The following SRGAP3 variants were observed in gnomAD, a reference collection of about 807,000 sequenced individuals.
The protein encoded by SRGAP3 is SLIT-ROBO Rho GTPase activating protein 3.
Under a neutral mutation model 121.1 loss-of-function variants are expected in SRGAP3, and 39 were observed. The ratio of observed to expected loss-of-function variants is 0.32; its 90% CI spans 0.25 to 0.42. The LOEUF (loss-of-function observed/expected upper bound fraction) is 0.42, where lower values mean the gene tolerates loss of function less well. Ranked by LOEUF, SRGAP3 falls within the 10% of genes least tolerant of loss-of-function variation. The probability of loss-of-function intolerance (pLI) is 1.00; values close to 1 mark genes in which losing one functional copy is unlikely to be tolerated. For synonymous variants in SRGAP3, 601 were observed against 570.0 expected, an observed-to-expected ratio of 1.05 and a Z score of -0.77; for missense variants, 1,213 against 1,470.6, an observed-to-expected ratio of 0.82 and a Z score of 2.86.
At chr3:9,314,489 C>T (rs1437577393) in intron 3 of SRGAP3, among the ~76,000 whole-genome samples, 3 of 152,104 alleles carry the variant, frequency 2.0e-5, no homozygotes, top group Non-Finnish European at 4.4e-5. Flanking sequence ...AAAGAATGTT[C>T]GGGACAGAGA....
At chr3:9,102,570 G>A (rs574612050) in intron 3 of SRGAP3, among the ~76,000 whole-genome samples, 105 of 152,304 alleles carry the variant, frequency 6.9e-4, no homozygotes, top group Non-Finnish European at 1.4e-3. Flanking sequence ...CCTCCATTCC[G>A]AAATTAGGTG....
At chr3:9,028,987 G>T (rs1190499314) in intron 12 of SRGAP3, among the ~76,000 whole-genome samples, 3 of 152,120 alleles carry the variant, frequency 2.0e-5, no homozygotes, top group Non-Finnish European at 2.9e-5. Flanking sequence ...CCATCTCTGG[G>T]GTGAGCACTT....
chr3:9,025,476 G>A, intron 13 of SRGAP3, 138 bp from the exon 14 acceptor site: 1 of 995,432 alleles, frequency 1.0e-6, no homozygotes, highest in Non-Finnish European at 1.5e-6. Context: ...CGTTCCCTAT[G>A]AATGTCTCCA....
chr3:9,351,745 T>C (rs1004136082), intron 1 of SRGAP3, among the ~76,000 whole-genome samples: 2 of 152,198 alleles, frequency 1.3e-5, no homozygotes, highest in Non-Finnish European at 2.9e-5. Context: ...AGTAACATAC[T>C]GTCAGGTTTG....
At chr3:9,214,319 A>C (rs7652650) in intron 1 of SRGAP3, among the ~76,000 whole-genome samples, 2,218 of 152,348 alleles carry the variant, frequency 0.015, 48 homozygotes, top group African/African-American at 0.05. Context: ...AGAAACAGTC[A>C]TATGGGGCAG....
At chr3:9,076,697 T>TCTCC (rs142963677) in intron 4 of SRGAP3, among the ~76,000 whole-genome samples, 2,277 of 151,454 alleles carry the variant, frequency 0.015, 44 homozygotes, top group African/African-American at 0.047. Flanking sequence ...TCCTTCTTGT[T>TCTCC]CTCCCTCCCT....
rs919242946 is a variant in SRGAP3, at chr3:8,982,857, G to A, written c.*2662C>T. On this transcript the variant is annotated 3_prime_UTR_variant, in exon 22 of 22. Transcript: ENST00000383836. ...TTCCCAATGGAAAAAAAAAAAAAAG[G>A]TGCTTAAAGAAAACAGCTAAGACTC... 2 of 224,264 alleles carry A rather than the reference G, an allele frequency of 8.9e-6. No individual in the cohort carries two copies. Among genetic ancestry groups the A allele is most frequent in the African/African-American group, 4.5e-5 (2 of 44,350 alleles). 13.9% of individuals were successfully genotyped at this position (224,264 alleles called of 1,614,324 possible).
chr3:9,354,653 G>A (rs1482025209), intron 1 of SRGAP3, among the ~76,000 whole-genome samples: 1 of 144,792 alleles, frequency 6.9e-6, no homozygotes, highest in Admixed American at 7.2e-5. Flanking sequence ...CTGCACTCCA[G>A]CCGGGGTGAC....
chr3:9,288,148 T>TTTC (rs1553567474), intron 3 of SRGAP3, among the ~76,000 whole-genome samples: 4 of 150,490 alleles, frequency 2.7e-5, no homozygotes, highest in South Asian at 2.1e-4. Flanking sequence ...TTTTTTTTTT[T>TTTC]CTTTGGAGAC....
In SRGAP3 at chr3:9,283,036, G is replaced by A. The variant is rs189669626; in HGVS notation, n.442+42974C>T. Among the ~76,000 whole-genome samples, 342 of 151,134 alleles carry A rather than the reference G, an allele frequency of 2.3e-3. 2 individuals are homozygous for A. Among genetic ancestry groups the A allele is most frequent in the Middle Eastern group, 0.021 (6 of 288 alleles). On this transcript the variant is annotated intron_variant and non_coding_transcript_variant, in intron 3 of 3. Transcript: ENST00000490889. Reference sequence around the variant, plus strand: ...ACTGCAATCTCTGTCTGCCTCCTGGGTTCAAGCGATTCTCCCGCCTCAGCC... The same window carrying A: ...ACTGCAATCTCTGTCTGCCTCCTGGATTCAAGCGATTCTCCCGCCTCAGCC...
At chr3:9,269,128 G>A (rs1289269479) in intron 3 of SRGAP3, among the ~76,000 whole-genome samples, 2 of 152,206 alleles carry the variant, frequency 1.3e-5, no homozygotes, top group African/African-American at 4.8e-5. Flanking sequence ...ATCTTGAAAG[G>A]TCATTTCTTG....
At chr3:9,164,748 T>C (rs1013003872) in intron 1 of SRGAP3, among the ~76,000 whole-genome samples, 2 of 152,210 alleles carry the variant, frequency 1.3e-5, no homozygotes, top group Non-Finnish European at 2.9e-5. Context: ...TTCAGGTAAA[T>C]ATCATGGCCA....
rs187874880 is a variant in SRGAP3 at position 9,241,935 on chromosome 3, A to G, written c.67+6950T>C. Reference sequence around the variant, plus strand: ...CTACCAAAAATACAAAAAAAGAGCCAGGCATGGTGGTGTGCGCCTATAGTC... The same window carrying G: ...CTACCAAAAATACAAAAAAAGAGCCGGGCATGGTGGTGTGCGCCTATAGTC... On this transcript the variant is annotated intron_variant, in intron 1 of 21. Coordinates refer to ENST00000383836, the MANE Select transcript of SRGAP3 (RefSeq NM_014850.4). 2.0e-5 allele frequency among the ~76,000 whole-genome samples: 3 copies of G among 152,014 alleles called. No homozygotes were observed. The East Asian group carries it at 5.8e-4, about 30-fold the overall frequency.
At chr3:9,063,742 C>A (rs1000504577) in intron 5 of SRGAP3, among the ~76,000 whole-genome samples, 2 of 152,126 alleles carry the variant, frequency 1.3e-5, no homozygotes, top group African/African-American at 4.8e-5. Flanking sequence ...ACGAATTTGC[C>A]ACTCCTATCA....
At chr3:9,276,272 A>G (rs1424816306) in intron 3 of SRGAP3, among the ~76,000 whole-genome samples, 1 of 152,060 alleles carries the variant, frequency 6.6e-6, no homozygotes, top group African/African-American at 2.4e-5. Flanking sequence ...GCTGAGATAA[A>G]AAGCCTCTGG....
intron 18 of SRGAP3, among the ~76,000 whole-genome samples, chr3:9,001,461 A>G (rs1413121755): frequency 3.3e-5 from 5 of 152,210 alleles, no homozygotes; most frequent in African/African-American, 1.2e-4. Context: ...ATTAGAAAAT[A>G]TCCACTAAAT....
At chr3:9,153,550 G>A (rs1329659138) in intron 1 of SRGAP3, among the ~76,000 whole-genome samples, 1 of 152,080 alleles carries the variant, frequency 6.6e-6, no homozygotes. Flanking sequence ...GCTGGATGGG[G>A]GCCTGTATTC....
intron 3 of SRGAP3, among the ~76,000 whole-genome samples, chr3:9,302,032 C>T (rs1426107069): frequency 2.0e-5 from 3 of 152,152 alleles, no homozygotes; most frequent in Non-Finnish European, 4.4e-5. Flanking sequence ...GTCGTCTTGC[C>T]GAGAGCTAAC....
chr3:9,046,318 T>A (rs910086946), intron 10 of SRGAP3, among the ~76,000 whole-genome samples: 3 of 152,094 alleles, frequency 2.0e-5, no homozygotes, highest in African/African-American at 7.2e-5. Context: ...ACGAGGGAAT[T>A]TTTGAGGGTG....
Sources: gnomAD v4.1 joint callset for allele counts (sites outside exome capture counted in the v4.1 genomes callset) on GRCh38, gnomAD v4.1.1 for gene constraint, MANE v1.5 for transcripts, NCBI Gene and HGNC (gene_info 2026-07-23, HGNC 2026-07-21) for gene names.